The following LRRFIP2 variants were observed in gnomAD, a reference collection of about 807,000 sequenced individuals.
LRRFIP2 encodes the protein LRR binding FLII interacting protein 2.
LRRFIP2 carries 109 observed loss-of-function variants against 125.9 expected under a neutral mutation model. The observed-to-expected ratio is 0.87, with a 90% CI of 0.74 to 1.01. The LOEUF is 1.01. LRRFIP2 is among the 50% of genes least tolerant of loss of function. The probability of loss-of-function intolerance (pLI) is 0.00; values close to 1 mark genes in which losing one functional copy is unlikely to be tolerated. For synonymous variants in LRRFIP2, 291 were observed against 293.1 expected (o/e 0.99, Z 0.07); for missense variants, 850 against 862.3 (o/e 0.99, Z 0.18).
chr3:37,100,315 AC>A (rs1170617678), intron 15 of LRRFIP2, among the ~76,000 whole-genome samples: 1 of 146,962 alleles, frequency 6.8e-6, no homozygotes, highest in Non-Finnish European at 1.5e-5. Context: ...ACAGAGCGAG[AC>A]CCTGTCTCTT....
intron 6 of LRRFIP2, 91 bp downstream of exon 6, chr3:37,121,401 A>G: frequency 8.2e-7 from 1 of 1,212,416 alleles, no homozygotes; most frequent in Non-Finnish European, 1.2e-6. Flanking sequence ...ACGCAAAGAA[A>G]TACAGGAACA....
chr3:37,089,300 TATATATACAC>T (rs1183501032), intron 18 of LRRFIP2, among the ~76,000 whole-genome samples: 17 of 152,318 alleles, frequency 1.1e-4, no homozygotes, highest in South Asian at 6.2e-4. Flanking sequence ...TACACATGAA[TATATATACAC>T]ATATATACAC....
intron 17 of LRRFIP2, 39 bp from the exon 18 acceptor site, chr3:37,091,577 C>A: frequency 7.1e-7 from 1 of 1,400,976 alleles, no homozygotes; most frequent in South Asian, 1.3e-5. Context: ...TAAAACCATG[C>A]ACAAACGTAT....
At chr3:37,146,655 T>C (rs1196479475) in intron 2 of LRRFIP2, among the ~76,000 whole-genome samples, 1 of 152,218 alleles carries the variant, frequency 6.6e-6, no homozygotes, top group Non-Finnish European at 1.5e-5. Context: ...TAGTTCCTTT[T>C]TATGGCTGCA....
intron 21 of LRRFIP2, chr3:37,067,670 A>G (rs541034396): frequency 3.9e-5 from 6 of 152,224 alleles, no homozygotes; most frequent in African/African-American, 1.4e-4. Context: ...TGTATAGCAC[A>G]AATTATATGG....
At position 37,121,691 on chromosome 3, in the gene LRRFIP2, C is replaced by T; in HGVS notation, c.229G>A (p.Glu77Lys). 6.2e-7 allele frequency: 1 copy of T among 1,613,902 alleles called. No individual in the cohort carries two copies. Residue 77 changes from glutamate (E) to lysine (K), a missense_variant and splice_region_variant, in exon 5 of 28, where the codon GAA (glutamate) becomes AAA (lysine). By Grantham distance (56) the Glu-to-Lys change is moderately conservative. Coordinates refer to ENST00000336686, the MANE Select transcript of LRRFIP2 (RefSeq NM_006309.4). ...RKWGQIQKWL[E>K]DSERARYSHR... ...GAATACCTGGCCCTTTCCGAATCTT[C>T]CTGGGAAAGGAGAAAGTACATGGAG...
intron 19 of LRRFIP2, among the ~76,000 whole-genome samples, chr3:37,075,464 A>T (rs1446082585): frequency 3.3e-5 from 5 of 152,192 alleles, no homozygotes; most frequent in Non-Finnish European, 7.4e-5. Flanking sequence ...AATAAAATCA[A>T]TATTAAATAA....
chr3:37,162,760 A>C (rs2096381494), intron 1 of LRRFIP2, among the ~76,000 whole-genome samples: 1 of 152,214 alleles, frequency 6.6e-6, no homozygotes, highest in Non-Finnish European at 1.5e-5. Flanking sequence ...AATATGACTC[A>C]AGAGACATAA....
chr3:37,071,407 T>C (rs555887131), intron 21 of LRRFIP2, among the ~76,000 whole-genome samples: 24 of 152,274 alleles, frequency 1.6e-4, no homozygotes, highest in African/African-American at 4.6e-4. Context: ...AGGGTGGGTC[T>C]CACTATGTTG....
intron 1 of LRRFIP2, among the ~76,000 whole-genome samples, chr3:37,162,348 A>C (rs2096371258): frequency 6.6e-6 from 1 of 152,140 alleles, no homozygotes; most frequent in Non-Finnish European, 1.5e-5. Context: ...ATGACTTTAC[A>C]AGCTTCCACA....
chr3:37,109,528 A>G lies in LRRFIP2; in HGVS notation c.608T>C (p.Leu203Pro), dbSNP rs376712152. The G allele has an allele frequency of 6.2e-7, 1 of 1,614,046 alleles. No homozygotes were observed. Residue 203 changes from leucine (L) to proline (P), a missense_variant and splice_region_variant, in exon 11 of 28, where the codon CTG becomes CCG. Coordinates refer to ENST00000336686, the MANE Select transcript of LRRFIP2 (RefSeq NM_006309.4). ...ANSGLLRSAS[L>P]ASLYNGGLYN... ...ACACTGGAAGAGGAAAATACAAACC[A>G]GACTGGCACTTCTCAGCAGACCAGA...
intron 2 of LRRFIP2, among the ~76,000 whole-genome samples, chr3:37,130,222 T>C (rs559165402): frequency 2.7e-4 from 41 of 152,320 alleles, no homozygotes; most frequent in Admixed American, 2.4e-3. Flanking sequence ...AATCATACCA[T>C]AGGAATTCTT....
intron 23 of LRRFIP2, 55 bp from the exon 24 acceptor site, chr3:37,063,846 C>T: frequency 7.3e-7 from 1 of 1,368,074 alleles, no homozygotes; most frequent in Non-Finnish European, 1.0e-6. Context: ...AGTACATAAA[C>T]AATTAAAAAT....
At chr3:37,083,552 A>G (rs2092809216) in intron 19 of LRRFIP2, 84 bp downstream of exon 19, 2 of 1,036,404 alleles carry the variant, frequency 1.9e-6, no homozygotes, top group Non-Finnish European at 1.4e-6. Context: ...TCATTCCTAA[A>G]TAAGTATGCT....
At chr3:37,108,329 T>C (rs1382772453) in intron 12 of LRRFIP2, among the ~76,000 whole-genome samples, 200 bp from the exon 13 acceptor site, 1 of 152,212 alleles carries the variant, frequency 6.6e-6, no homozygotes, top group East Asian at 1.9e-4. Flanking sequence ...AGGAAGGGGA[T>C]GCCCTGAGAA....
chr3:37,101,104 T>C (rs1332293536), intron 15 of LRRFIP2, among the ~76,000 whole-genome samples: 1 of 152,172 alleles, frequency 6.6e-6, no homozygotes, highest in Non-Finnish European at 1.5e-5. Context: ...ATGTATGTAA[T>C]CTCAGCACTT....
intron 21 of LRRFIP2, chr3:37,067,427 T>C (rs1467033753): frequency 6.6e-6 from 1 of 152,214 alleles, no homozygotes; most frequent in Non-Finnish European, 1.5e-5. Flanking sequence ...TGAAAAAGCC[T>C]TTCCCCAAAT....
chr3:37,161,214 G>C lies in LRRFIP2; in HGVS notation c.-55-12176C>G, dbSNP rs566833355. On this transcript the variant is annotated intron_variant, in intron 1 of 27. Transcript: ENST00000336686. ...AAAAAAAAAAAGCAAAGATTAGCCA[G>C]GCACGGTGGGACACATCTGTAATCC... Among the ~76,000 whole-genome samples the C allele has an allele frequency of 2.0e-5, 3 of 146,964 alleles. No homozygotes were observed. In the East Asian group the frequency reaches 5.9e-4, roughly 29 times the overall value.
chr3:37,171,776 T>C (rs2096590181), intron 1 of LRRFIP2, among the ~76,000 whole-genome samples: 2 of 152,226 alleles, frequency 1.3e-5, no homozygotes, highest in African/African-American at 4.8e-5. Context: ...AGCCGACTTA[T>C]GCAGGGCAAG....
Sources: allele counts gnomAD v4.1 joint callset (sites outside exome capture counted in the v4.1 genomes callset), GRCh38; gene constraint gnomAD v4.1.1; transcripts MANE v1.5; gene names NCBI Gene and HGNC (gene_info 2026-07-23, HGNC 2026-07-21).